Variants in CAMKMT observed in about 807,000 individuals in gnomAD.
The protein encoded by CAMKMT is calmodulin-lysine N-methyltransferase.
CAMKMT carries 53 observed loss-of-function variants against 48.0 expected under a neutral mutation model. The ratio of observed to expected loss-of-function variants is 1.10; its 90% CI spans 0.89 to 1.39. The LOEUF (loss-of-function observed/expected upper bound fraction) is 1.39, where lower values mean the gene tolerates loss of function less well. Among genes scored for constraint, CAMKMT ranks in the 40% most tolerant of loss-of-function variants. The pLI is 0.00. For synonymous variants in CAMKMT, 165 were observed against 152.3 expected (o/e 1.08, Z -0.61); for missense variants, 428 against 402.7 (o/e 1.06, Z -0.54).
intron 7 of CAMKMT, among the ~76,000 whole-genome samples, chr2:44,726,131 T>C (rs1474906257): frequency 1.3e-5 from 2 of 152,184 alleles, no homozygotes; most frequent in African/African-American, 4.8e-5. Flanking sequence ...TTGTTTTCTT[T>C]GGGGTATATA....
rs2341455 is a variant in CAMKMT, at chr2:44,528,732, G to T, written c.376+138427G>T. On this transcript the variant is annotated intron_variant, in intron 3 of 10. Transcript: ENST00000378494. ...GCTTCTTCTCCCTTGCTTCTTCTTT[G>T]TTGAAGAAACTGGACTATTCATCTT... is the stretch of plus-strand genomic sequence containing the variant. Among the ~76,000 whole-genome samples, 550 of 151,976 alleles carry T rather than the reference G, an allele frequency of 3.6e-3. 2 individuals are homozygous for T. Among genetic ancestry groups the T allele is most frequent in the Middle Eastern group, 0.01 (3 of 294 alleles).
intron 3 of CAMKMT, among the ~76,000 whole-genome samples, chr2:44,488,341 A>G (rs987416309): frequency 3.3e-5 from 5 of 152,132 alleles, no homozygotes; most frequent in African/African-American, 1.2e-4. Flanking sequence ...TCTCTACTAA[A>G]AATACAAAAA....
chr2:44,549,487 A>G (rs1667586422), intron 3 of CAMKMT: 2 of 689,930 alleles, frequency 2.9e-6, no homozygotes. Context: ...AATGTCTTGA[A>G]CTGAAAACCA....
At chr2:44,374,488 C>A (rs1679484939) in intron 2 of CAMKMT, among the ~76,000 whole-genome samples, 1 of 152,172 alleles carries the variant, frequency 6.6e-6, no homozygotes, top group South Asian at 2.1e-4. Flanking sequence ...TCTTCTGCAT[C>A]CACTGGTGAA....
At chr2:44,614,115 A>G (rs1022109587) in intron 3 of CAMKMT, among the ~76,000 whole-genome samples, 1 of 152,230 alleles carries the variant, frequency 6.6e-6, no homozygotes, top group Non-Finnish European at 1.5e-5. Context: ...AATAATTCTT[A>G]GAAAAAAGAT....
intron 3 of CAMKMT, among the ~76,000 whole-genome samples, chr2:44,512,565 C>A (rs891728463): frequency 3.9e-5 from 6 of 152,172 alleles, no homozygotes; most frequent in African/African-American, 1.4e-4. Flanking sequence ...TGTTGCTAGC[C>A]TTTCAAGAGT....
chr2:44,367,331 G>T (rs138828638), intron 1 of CAMKMT, among the ~76,000 whole-genome samples: 3 of 152,088 alleles, frequency 2.0e-5, no homozygotes, highest in Non-Finnish European at 4.4e-5. Context: ...TTTGAGAGCC[G>T]ACATGTTGCC....
intron 9 of CAMKMT, among the ~76,000 whole-genome samples, chr2:44,756,012 T>G (rs1680361831): frequency 1.3e-5 from 2 of 152,164 alleles, no homozygotes; most frequent in Admixed American, 1.3e-4. Flanking sequence ...GCCTAAAGTG[T>G]AAGGAGCCCA....
chr2:44,491,764 C>G (rs183955246), intron 3 of CAMKMT, among the ~76,000 whole-genome samples: 1 of 152,074 alleles, frequency 6.6e-6, no homozygotes, highest in Admixed American at 6.5e-5. Flanking sequence ...ACCTATTGCA[C>G]CCCCTTAACC....
At chr2:44,538,047 A>G (rs905077103) in intron 3 of CAMKMT, among the ~76,000 whole-genome samples, 2 of 152,184 alleles carry the variant, frequency 1.3e-5, no homozygotes, top group African/African-American at 2.4e-5. Flanking sequence ...TATGGAACCA[A>G]TCTAAGTGCC....
intron 10 of CAMKMT, among the ~76,000 whole-genome samples, chr2:44,767,163 G>T (rs1027605895): frequency 6.6e-6 from 1 of 152,308 alleles, no homozygotes; most frequent in African/African-American, 2.4e-5. Context: ...TTATTTATAG[G>T]TATAGACCAA....
At chr2:44,394,770 T>C in intron 3 of CAMKMT, 2 of 442,924 alleles carry the variant, frequency 4.5e-6, no homozygotes, top group South Asian at 3.2e-5. Context: ...CTTTGCTTCC[T>C]AGTGGTCTGA....
chr2:44,452,869 G>A (rs1248644760), intron 3 of CAMKMT, among the ~76,000 whole-genome samples: 1 of 151,934 alleles, frequency 6.6e-6, no homozygotes, highest in Non-Finnish European at 1.5e-5. Flanking sequence ...AGCCATTATT[G>A]GATGCCTTTG....
chr2:44,771,943 G>T, intron 10 of CAMKMT, 93 bp from the exon 11 acceptor site: 2 of 859,176 alleles, frequency 2.3e-6, no homozygotes, highest in Non-Finnish European at 1.9e-6. Context: ...ATATTTTGGT[G>T]TAAAAGTCAT....
At chr2:44,391,648 T>C (rs1681352289) in intron 3 of CAMKMT, among the ~76,000 whole-genome samples, 1 of 152,154 alleles carries the variant, frequency 6.6e-6, no homozygotes, top group African/African-American at 2.4e-5. Context: ...AATGTAAAAG[T>C]CAAGTATTGT....
intron 3 of CAMKMT, among the ~76,000 whole-genome samples, chr2:44,640,544 C>T (rs1673393317): frequency 6.6e-6 from 1 of 152,164 alleles, no homozygotes; most frequent in African/African-American, 2.4e-5. Context: ...CTGTAGTCCT[C>T]AGTTTCCTCA....
At chr2:44,437,390 T>A (rs993063273) in intron 3 of CAMKMT, among the ~76,000 whole-genome samples, 1 of 152,228 alleles carries the variant, frequency 6.6e-6, no homozygotes, top group Admixed American at 6.5e-5. Flanking sequence ...CAAGCAGGGT[T>A]ACTGGGGGGA....
intron 3 of CAMKMT, among the ~76,000 whole-genome samples, chr2:44,632,265 T>C (rs1218385606): frequency 6.6e-6 from 1 of 152,168 alleles, no homozygotes; most frequent in African/African-American, 2.4e-5. Context: ...ATATCATCTT[T>C]TGTTTGTCAG....
intron 1 of CAMKMT, 22 bp from the exon 2 acceptor site, chr2:44,372,693 CA>C: frequency 6.2e-7 from 1 of 1,601,024 alleles, no homozygotes; most frequent in Non-Finnish European, 8.5e-7. Flanking sequence ...AACATGACTG[CA>C]ATATTTGGCT....
Sources: gnomAD v4.1 joint callset for allele counts (sites outside exome capture counted in the v4.1 genomes callset) on GRCh38, gnomAD v4.1.1 for gene constraint, MANE v1.5 for transcripts, NCBI Gene and HGNC (gene_info 2026-07-23, HGNC 2026-07-21) for gene names.